GNAS: variants seen among roughly 807,000 people sequenced by gnomAD.
The protein encoded by GNAS is GNAS complex locus, also known as protein ALEX.
In GNAS, 8 loss-of-function variants were observed where a neutral mutation model predicts 54.5. That is an observed-to-expected ratio of 0.15 (90% CI 0.09 to 0.26). GNAS has a LOEUF of 0.26. Ranked by LOEUF, GNAS falls within the 10% of genes least tolerant of loss-of-function variation. The pLI, the probability that GNAS is intolerant of heterozygous loss-of-function variation, is 1.00. For synonymous variants in GNAS, 204 were observed against 191.4 expected (o/e 1.07, Z -0.54); for missense variants, 170 against 529.8 (o/e 0.32, Z 6.67).
chr20:58,854,222 C>T lies in GNAS; in HGVS notation c.43+13336C>T, dbSNP rs2086319204. On this transcript the variant is annotated intron_variant, in intron 1 of 12. Coordinates refer to the GNAS transcript ENST00000306090. ...TTGGCAGCGCCCCCGCTGGGGTCGA[C>T]GACACTCCCGTCAACATGGACAGCC... 3 of 1,613,140 alleles carry T rather than the reference C, an allele frequency of 1.9e-6. No homozygotes were observed. Among genetic ancestry groups the T allele is most frequent in the Middle Eastern group, 1.6e-4 (1 of 6,062 alleles).
At chr20:58,848,053 G>T (rs978559583) in intron 1 of GNAS, among the ~76,000 whole-genome samples, 1 of 152,200 alleles carries the variant, frequency 6.6e-6, no homozygotes, top group African/African-American at 2.4e-5. Flanking sequence ...TCTATTGGGG[G>T]TTCCATATTT....
At chr20:58,889,235 C>A, upstream of GNAS, 2 of 576,654 alleles carry the variant, frequency 3.5e-6, no homozygotes, top group South Asian at 8.0e-5. Flanking sequence ...GCGCGGCGCT[C>A]CCCTGCTCTC....
At chr20:58,889,192 A>C, upstream of GNAS, 1 of 1,214,848 alleles carries the variant, frequency 8.2e-7, no homozygotes, top group Non-Finnish European at 1.1e-6. Context: ...TCGCGTCGGC[A>C]CCGCGGAGCG....
chr20:58,892,022 G>C, intron 1 of GNAS, 157 bp downstream of exon 1: 1 of 821,324 alleles, frequency 1.2e-6, no homozygotes, highest in Non-Finnish European at 1.5e-6. Flanking sequence ...CCGGAAGGGG[G>C]ACCCAGGGGC....
At chr20:58,860,006 T>C (rs2086701492) in intron 1 of GNAS, among the ~76,000 whole-genome samples, 1 of 152,254 alleles carries the variant, frequency 6.6e-6, no homozygotes, top group African/African-American at 2.4e-5. Context: ...AGAAATGTGA[T>C]GATAAGCTAT....
intron 1 of GNAS, among the ~76,000 whole-genome samples, chr20:58,881,985 G>A (rs1292260245): frequency 6.6e-6 from 1 of 152,178 alleles, no homozygotes; most frequent in African/African-American, 2.4e-5. Context: ...ACCTAGAAGG[G>A]CTTTGTCCCA....
intron 2 of GNAS, chr20:58,898,624 C>T (rs762903472): frequency 5.2e-5 from 25 of 484,800 alleles, no homozygotes; most frequent in Non-Finnish European, 9.0e-5. Flanking sequence ...TGCTTTAGCT[C>T]CCTAATGCGT....
At chr20:58,849,452 C>A (rs748230687) in intron 1 of GNAS, among the ~76,000 whole-genome samples, 6 of 152,222 alleles carry the variant, frequency 3.9e-5, no homozygotes, top group Non-Finnish European at 8.8e-5. Flanking sequence ...TCCATAAATT[C>A]ATCTTTGTAA....
intron 6 of GNAS, among the ~76,000 whole-genome samples, chr20:58,906,809 C>T (rs991656377): frequency 6.6e-6 from 1 of 152,188 alleles, no homozygotes; most frequent in Admixed American, 6.5e-5. Flanking sequence ...GGATTACAGG[C>T]ATGAGCCACC....
chr20:58,889,239 T>C, upstream of GNAS: 6 of 1,182,366 alleles, frequency 5.1e-6, no homozygotes, highest in Non-Finnish European at 6.4e-6. Flanking sequence ...GGCGCTCCCC[T>C]GCTCTCTGGC....
At chr20:58,897,056 C>A (rs746523879) in intron 2 of GNAS, among the ~76,000 whole-genome samples, 1 of 152,168 alleles carries the variant, frequency 6.6e-6, no homozygotes, top group Non-Finnish European at 1.5e-5. Flanking sequence ...TACGAATAGT[C>A]CTGTTAGTTG....
At chr20:58,840,030 C>T, upstream of GNAS, 2 of 1,542,340 alleles carry the variant, frequency 1.3e-6, no homozygotes, top group African/African-American at 1.4e-5. This position sits in a 1 kb window ranked among gnomAD's most constrained non-coding sequence, Gnocchi z 6.0. Flanking sequence ...TTTCCCGGCT[C>T]CAGCAGCCAA....
At chr20:58,895,543 C>A in intron 1 of GNAS, 69 bp from the exon 2 acceptor site, 5 of 925,778 alleles carry the variant, frequency 5.4e-6, no homozygotes, top group Non-Finnish European at 9.0e-6. Context: ...AAAACAACAA[C>A]AGCAGACCTC....
chr20:58,854,788 C>T (rs1361768475), intron 1 of GNAS: 1 of 1,573,412 alleles, frequency 6.4e-7, no homozygotes, highest in Non-Finnish European at 8.6e-7. Flanking sequence ...ACCCGGGCAG[C>T]CCAAGTCCGC....
chr20:58,841,364 C>G lies in GNAS; in HGVS notation c.43+478C>G. ...GAGAGCAGCCGCGCTGTAGAGACAC[C>G]GTTGAAATGTGCGGAAAGTAATCTG... is the stretch of plus-strand genomic sequence containing the variant. On this transcript the variant is annotated intron_variant, in intron 1 of 12. Coordinates refer to the GNAS transcript ENST00000306090. The surrounding 1 kb of genome is among the most constrained non-coding windows in gnomAD (Gnocchi z 5.0). 1 of 1,024,914 alleles carries G rather than the reference C, an allele frequency of 9.8e-7. No homozygotes were observed. The highest frequency in any genetic ancestry group is 1.2e-6 in the Non-Finnish European group (1 of 853,878). The allele number at this position is 1,024,914 out of a possible 1,614,324, so 63.5% of individuals were successfully genotyped here.
upstream of GNAS, chr20:58,890,823 G>C (rs1455656624): frequency 2.0e-5 from 3 of 152,318 alleles, no homozygotes; most frequent in African/African-American, 7.3e-5. Context: ...TGTGTGTGTG[G>C]ACACATTTTC....
At chr20:58,860,050 T>C (rs1227291763) in intron 1 of GNAS, among the ~76,000 whole-genome samples, 2 of 152,260 alleles carry the variant, frequency 1.3e-5, no homozygotes, top group Non-Finnish European at 2.9e-5. Flanking sequence ...ATGATTATTC[T>C]AAGTATACTA....
intron 1 of GNAS, among the ~76,000 whole-genome samples, chr20:58,877,280 G>A (rs748278079): frequency 1.3e-5 from 2 of 152,090 alleles, no homozygotes; most frequent in African/African-American, 2.4e-5. Flanking sequence ...CAGTTGGAGA[G>A]GGGGAGAGAA....
intron 1 of GNAS, 118 bp from the exon 2 acceptor site, chr20:58,895,494 T>C: frequency 1.4e-6 from 1 of 728,028 alleles, no homozygotes. Context: ...GTCTGTGATT[T>C]TGTGTTTGGT....
Sources: allele counts gnomAD v4.1 joint callset (sites outside exome capture counted in the v4.1 genomes callset), GRCh38; gene constraint gnomAD v4.1.1; non-coding constraint Gnocchi (gnomAD v3.1); transcripts MANE v1.5; gene names NCBI Gene and HGNC (gene_info 2026-07-23, HGNC 2026-07-21).